ANKS1B: variants seen among roughly 807,000 people sequenced by gnomAD.
ANKS1B encodes the protein ankyrin repeat and sterile alpha motif domain containing 1B.
A neutral mutation model predicts 148.3 loss-of-function variants in ANKS1B; 36 were observed. The ratio of observed to expected loss-of-function variants is 0.24; its 90% CI spans 0.19 to 0.32. The LOEUF (loss-of-function observed/expected upper bound fraction) is 0.32. Ranked by LOEUF, ANKS1B falls within the 10% of genes least tolerant of loss-of-function variation. The pLI is 1.00. For synonymous variants in ANKS1B, 542 were observed against 560.8 expected (o/e 0.97, Z 0.47); for missense variants, 1,157 against 1,542.6 (o/e 0.75, Z 4.19).
chr12:99,969,374 G>A (rs569457182), intron 1 of ANKS1B, among the ~76,000 whole-genome samples: 1 of 152,154 alleles, frequency 6.6e-6, no homozygotes, highest in East Asian at 1.9e-4. Flanking sequence ...TGTAGAAACA[G>A]GATCTTATTA....
chr12:99,818,844 T>C (rs1164374122), intron 2 of ANKS1B, among the ~76,000 whole-genome samples: 1 of 151,886 alleles, frequency 6.6e-6, no homozygotes, highest in East Asian at 1.9e-4. Context: ...ACATCCATTT[T>C]CTGAAAGATA....
At chr12:98,808,736 G>A (rs761699414) in intron 19 of ANKS1B, among the ~76,000 whole-genome samples, 3 of 152,242 alleles carry the variant, frequency 2.0e-5, no homozygotes, top group Non-Finnish European at 2.9e-5. Flanking sequence ...CAAAGAGACC[G>A]ACTGAGCTCT....
At chr12:98,847,097 TATC>T (rs2099482640) in intron 17 of ANKS1B, among the ~76,000 whole-genome samples, 1 of 152,200 alleles carries the variant, frequency 6.6e-6, no homozygotes, top group African/African-American at 2.4e-5. Context: ...TCATTATTAT[TATC>T]ATCATTTTTG....
chr12:99,313,937 G>GAAAC (rs1289512041), intron 12 of ANKS1B, among the ~76,000 whole-genome samples: 13 of 152,150 alleles, frequency 8.5e-5, no homozygotes, highest in African/African-American at 3.1e-4. Flanking sequence ...GCAAGAGAAA[G>GAAAC]AAACAAAGGG....
At chr12:99,631,847 A>T (rs889663085) in intron 9 of ANKS1B, among the ~76,000 whole-genome samples, 1 of 152,252 alleles carries the variant, frequency 6.6e-6, no homozygotes, top group African/African-American at 2.4e-5. Flanking sequence ...GAAAATGCTC[A>T]GCCTAACCAC....
chr12:99,546,815 G>C (rs2097176511), intron 9 of ANKS1B, among the ~76,000 whole-genome samples: 3 of 152,172 alleles, frequency 2.0e-5, no homozygotes, highest in Admixed American at 6.6e-5. Flanking sequence ...TTCTAGTAAG[G>C]GGAAAGGAGC....
chr12:98,982,678 T>G (rs746987497), intron 17 of ANKS1B, among the ~76,000 whole-genome samples: 2 of 152,258 alleles, frequency 1.3e-5, no homozygotes, highest in Non-Finnish European at 2.9e-5. Flanking sequence ...CTTCAATTTT[T>G]CATACCACAT....
At chr12:99,489,002 T>G (rs1323070414) in intron 10 of ANKS1B, among the ~76,000 whole-genome samples, 1 of 151,970 alleles carries the variant, frequency 6.6e-6, no homozygotes, top group African/African-American at 2.4e-5. Flanking sequence ...CCCAGAACTT[T>G]GGGAGGCGAG....
At chr12:99,144,133 A>AT (rs895334432) in intron 15 of ANKS1B, among the ~76,000 whole-genome samples, 6 of 151,974 alleles carry the variant, frequency 3.9e-5, no homozygotes, top group East Asian at 1.9e-4. Context: ...AATTGGCTAT[A>AT]TTTTTTTTCT....
chr12:99,754,735 C>T (rs2061411692), intron 8 of ANKS1B, among the ~76,000 whole-genome samples: 1 of 152,130 alleles, frequency 6.6e-6, no homozygotes, highest in South Asian at 2.1e-4. Context: ...GAATAACCTG[C>T]TCCTGAATGA....
rs186643281 is a variant in ANKS1B, at chr12:99,534,528, A to G, written c.1273-29887T>C. On this transcript the variant is annotated intron_variant, in intron 9 of 26. Coordinates refer to ENST00000683438, the MANE Select transcript of ANKS1B (RefSeq NM_001352186.2). The stretch of plus-strand genomic sequence containing the variant: ...GGACTCACTTATTTGGTTAATTAAT[A>G]TACATTCGAGGCTGTGAAATTGTCA... 2.0e-3 allele frequency among the ~76,000 whole-genome samples: 300 copies of G among 152,316 alleles called. 1 individual carries two copies. The highest frequency in any genetic ancestry group is 6.8e-3 in the Middle Eastern group (2 of 294).
chr12:99,496,674 G>A (rs2096607517), intron 10 of ANKS1B, among the ~76,000 whole-genome samples: 1 of 152,130 alleles, frequency 6.6e-6, no homozygotes, highest in Non-Finnish European at 1.5e-5. Flanking sequence ...GCTGAATACA[G>A]ATCTACTAAT....
At chr12:99,280,075 A>G (rs75699212) in intron 12 of ANKS1B, among the ~76,000 whole-genome samples, 1 of 152,156 alleles carries the variant, frequency 6.6e-6, no homozygotes, top group Non-Finnish European at 1.5e-5. Flanking sequence ...AACAATTCTC[A>G]TAATTGATAT....
chr12:99,079,932 C>A (rs2049085080), intron 16 of ANKS1B: 1 of 152,270 alleles, frequency 6.6e-6, no homozygotes, highest in African/African-American at 2.4e-5. Context: ...ATGTTTCAGA[C>A]CAGTTCCCCA....
chr12:99,333,814 G>A (rs1413824202), intron 12 of ANKS1B, among the ~76,000 whole-genome samples: 3 of 147,344 alleles, frequency 2.0e-5, no homozygotes, highest in Non-Finnish European at 3.0e-5. Flanking sequence ...ATTCCACTAG[G>A]TGGTAGGTAG....
chr12:99,480,285 A>T (rs1258092404), intron 10 of ANKS1B, among the ~76,000 whole-genome samples: 1 of 151,858 alleles, frequency 6.6e-6, no homozygotes, highest in Non-Finnish European at 1.5e-5. Flanking sequence ...TAGCTTCTTC[A>T]TGTGTAGTGT....
At chr12:99,823,185 A>T (rs2082716553) in intron 2 of ANKS1B, among the ~76,000 whole-genome samples, 1 of 151,998 alleles carries the variant, frequency 6.6e-6, no homozygotes, top group Non-Finnish European at 1.5e-5. Flanking sequence ...TAGATTCTGA[A>T]TATTTGGCCT....
intron 1 of ANKS1B, among the ~76,000 whole-genome samples, chr12:99,894,524 A>AT (rs888595562): frequency 2.0e-5 from 3 of 150,004 alleles, no homozygotes; most frequent in African/African-American, 7.3e-5. Context: ...AAAAAAAAAA[A>AT]AAAAAACAAG....
chr12:99,575,827 T>C (rs1165282319), intron 9 of ANKS1B, among the ~76,000 whole-genome samples: 1 of 152,006 alleles, frequency 6.6e-6, no homozygotes, highest in Non-Finnish European at 1.5e-5. Context: ...ACTGAAACTA[T>C]AAAGCAACTA....
Sources: allele counts gnomAD v4.1 joint callset (sites outside exome capture counted in the v4.1 genomes callset), GRCh38; gene constraint gnomAD v4.1.1; transcripts MANE v1.5; gene names NCBI Gene and HGNC (gene_info 2026-07-23, HGNC 2026-07-21).